ZNF804A: variants seen among roughly 807,000 people sequenced by gnomAD.
ZNF804A encodes the protein zinc finger protein 804A.
ZNF804A carries 2 observed loss-of-function variants against 16.5 expected under a neutral mutation model. The ratio of observed to expected loss-of-function variants is 0.12; its 90% confidence interval spans 0.05 to 0.38. The LOEUF is 0.38. ZNF804A is among the 10% of genes least tolerant of loss of function. ZNF804A has a pLI of 0.99. For missense variants in ZNF804A, 1,473 were observed against 1,390.7 expected, an observed-to-expected ratio of 1.06 and a Z score of -0.94; for synonymous variants, 534 against 489.6, an observed-to-expected ratio of 1.09 and a Z score of -1.20.
At position 184,935,744 on chromosome 2, in the gene ZNF804A, A is replaced by G. The variant is rs79323624; in HGVS notation, c.387-39A>G. The G allele has an allele frequency of 4.5e-3, 6,727 of 1,501,906 alleles. 278 individuals are homozygous for G. In the African/African-American group the frequency reaches 0.08, roughly 18 times the overall value. The allele number at this position is 1,501,906 out of a possible 1,614,324, so 93.0% of individuals were successfully genotyped here. A position where few individuals can be genotyped will look rare whatever the true frequency, so the allele number is the denominator to read the frequency against. ...TATTTGACTATTTTTTTTTCTCAAA[A>G]GTGTGCTATTTAACACATGCTTCTG... is the stretch of plus-strand genomic sequence containing the variant. On this transcript the variant is annotated intron_variant, in intron 3 of 3. Coordinates refer to ENST00000302277, the MANE Select transcript of ZNF804A (RefSeq NM_194250.2).
At chr2:184,809,959 G>A (rs1045099860) in intron 1 of ZNF804A, among the ~76,000 whole-genome samples, 3 of 151,950 alleles carry the variant, frequency 2.0e-5, no homozygotes, top group Non-Finnish European at 1.5e-5. Context: ...AATTCAAATA[G>A]CAAAAAGGAC....
At chr2:184,759,383 A>G (rs575448823) in intron 1 of ZNF804A, among the ~76,000 whole-genome samples, 27 of 151,920 alleles carry the variant, frequency 1.8e-4, no homozygotes, top group African/African-American at 6.5e-4. Context: ...GTTTTTTTCA[A>G]CTACATCATT....
intron 1 of ZNF804A, among the ~76,000 whole-genome samples, chr2:184,644,983 A>G (rs1691849649): frequency 6.6e-6 from 1 of 151,902 alleles, no homozygotes; most frequent in Non-Finnish European, 1.5e-5. Flanking sequence ...TCCTTTTTTC[A>G]TATATTTGGC....
At chr2:184,906,441 A>G (rs574975035) in intron 2 of ZNF804A, among the ~76,000 whole-genome samples, 31 of 152,102 alleles carry the variant, frequency 2.0e-4, no homozygotes, top group African/African-American at 6.0e-4. Flanking sequence ...CTGGGACTAC[A>G]GGTGCACACA....
intron 2 of ZNF804A, among the ~76,000 whole-genome samples, chr2:184,904,070 G>A (rs368919291): frequency 2.0e-5 from 3 of 152,006 alleles, no homozygotes; most frequent in East Asian, 3.9e-4. Flanking sequence ...GTTTCTACAT[G>A]CTAACAACAA....
chr2:184,645,774 C>T (rs1053482582), intron 1 of ZNF804A, among the ~76,000 whole-genome samples: 8 of 152,098 alleles, frequency 5.3e-5, no homozygotes, highest in Non-Finnish European at 2.9e-5. Flanking sequence ...AGCTCTAATT[C>T]AAGAAGGAAA....
intron 2 of ZNF804A, among the ~76,000 whole-genome samples, chr2:184,921,144 T>C (rs942532105): frequency 6.6e-6 from 1 of 152,192 alleles, no homozygotes; most frequent in African/African-American, 2.4e-5. Flanking sequence ...GGAGTGTAAC[T>C]ATACTTGATT....
intron 1 of ZNF804A, among the ~76,000 whole-genome samples, chr2:184,682,029 G>A (rs562031113): frequency 2.0e-5 from 3 of 152,324 alleles, no homozygotes; most frequent in East Asian, 1.9e-4. Context: ...ACCCCCTGCC[G>A]CCTCAGCCCC....
At chr2:184,632,648 G>A (rs1026816915) in intron 1 of ZNF804A, among the ~76,000 whole-genome samples, 4 of 152,210 alleles carry the variant, frequency 2.6e-5, no homozygotes, top group African/African-American at 4.8e-5. Flanking sequence ...AAAAAGCTGA[G>A]ATTACAGGCG....
At position 184,630,536 on chromosome 2, in the gene ZNF804A, A is replaced by G. The variant is rs145359877; in HGVS notation, c.111+31466A>G. On this transcript the variant is annotated intron_variant, in intron 1 of 3. Transcript: ENST00000302277. The stretch of plus-strand genomic sequence containing the variant: ...TGCTTTATGTGTTTTGTGGTTCTTG[A>G]TTCAAAAGCAAAAAGAGTGTTCCAC... Among the ~76,000 whole-genome samples, 1,467 of 152,304 alleles carry G rather than the reference A, an allele frequency of 9.6e-3. 26 individuals carry two copies. Among genetic ancestry groups the G allele is most frequent in the African/African-American group, 0.034 (1,398 of 41,580 alleles).
chr2:184,626,046 T>C (rs1691490541), intron 1 of ZNF804A, among the ~76,000 whole-genome samples: 1 of 152,088 alleles, frequency 6.6e-6, no homozygotes. Context: ...TTTTTTGTAT[T>C]TTTAATAGAG....
intron 1 of ZNF804A, among the ~76,000 whole-genome samples, chr2:184,653,416 C>T (rs1316690821): frequency 6.6e-6 from 1 of 152,112 alleles, no homozygotes; most frequent in Non-Finnish European, 1.5e-5. Flanking sequence ...TCAGTTCTCG[C>T]CTCCTCAGAA....
In ZNF804A at chr2:184,919,134, A is replaced by G. The variant is rs564816005; in HGVS notation, c.256-14469A>G. The stretch of plus-strand genomic sequence containing the variant: ...TGTGTGGAATATCATAAATGCAGAT[A>G]AGCTAATCCACAGATGATAGTTTTG... On this transcript the variant is annotated intron_variant, in intron 2 of 3. Transcript: ENST00000302277. 8.5e-5 allele frequency among the ~76,000 whole-genome samples: 13 copies of G among 152,306 alleles called. 1 individual carries two copies. Among genetic ancestry groups the G allele is most frequent in the African/African-American group, 3.1e-4 (13 of 41,572 alleles).
chr2:184,900,490 G>A (rs1370248852), intron 2 of ZNF804A, among the ~76,000 whole-genome samples: 2 of 152,006 alleles, frequency 1.3e-5, no homozygotes, highest in Non-Finnish European at 2.9e-5. Context: ...TTTGGCAGGG[G>A]AATAAATATT....
At chr2:184,621,800 T>C (rs535995177) in intron 1 of ZNF804A, among the ~76,000 whole-genome samples, 12 of 151,788 alleles carry the variant, frequency 7.9e-5, no homozygotes, top group Admixed American at 1.3e-4. Flanking sequence ...ATAGAAATGC[T>C]TGTACCTATT....
At chr2:184,873,144 A>G (rs1695999941) in intron 2 of ZNF804A, among the ~76,000 whole-genome samples, 1 of 152,220 alleles carries the variant, frequency 6.6e-6, no homozygotes. Flanking sequence ...AAAACTTTAT[A>G]TATTTTAGGA....
intron 1 of ZNF804A, among the ~76,000 whole-genome samples, chr2:184,720,586 T>A (rs563666458): frequency 6.6e-6 from 1 of 152,080 alleles, no homozygotes; most frequent in Non-Finnish European, 1.5e-5. Flanking sequence ...AAACTATATA[T>A]TTCTGATGAA....
chr2:184,658,715 A>G (rs559081894), intron 1 of ZNF804A, among the ~76,000 whole-genome samples: 1 of 152,270 alleles, frequency 6.6e-6, no homozygotes, highest in African/African-American at 2.4e-5. Flanking sequence ...AAGTTGGAAA[A>G]TGAAAGTTAA....
At chr2:184,699,429 A>G (rs1368102420) in intron 1 of ZNF804A, among the ~76,000 whole-genome samples, 1 of 152,136 alleles carries the variant, frequency 6.6e-6, no homozygotes. Context: ...TGGTGAATCC[A>G]GATAACCAAG....
Sources: allele counts gnomAD v4.1 joint callset (sites outside exome capture counted in the v4.1 genomes callset), GRCh38; gene constraint gnomAD v4.1.1; transcripts MANE v1.5; gene names NCBI Gene and HGNC (gene_info 2026-07-23, HGNC 2026-07-21).